CERK: variants seen among roughly 807,000 people sequenced by gnomAD.
CERK encodes the protein acylsphingosine kinase.
A neutral mutation model predicts 63.4 loss-of-function variants in CERK; 39 were observed. The observed-to-expected ratio is 0.61, with a 90% CI of 0.48 to 0.80. The LOEUF is 0.80. CERK is among the 30% of genes least tolerant of loss of function. The probability of loss-of-function intolerance (pLI) is 0.00; values close to 1 mark genes in which losing one functional copy is unlikely to be tolerated. For synonymous variants in CERK, 302 were observed against 280.0 expected (o/e 1.08, Z -0.78); for missense variants, 670 against 714.1 (o/e 0.94, Z 0.70).
At position 46,722,932 on chromosome 22, in the gene CERK, G is replaced by A. The variant is rs76467617; in HGVS notation, c.143-1917C>T. 4.7e-3 allele frequency among the ~76,000 whole-genome samples: 711 copies of A among 152,314 alleles called. 3 individuals are homozygous for A. The highest frequency in any genetic ancestry group is 0.03 in the East Asian group (157 of 5,182). ...TTCCCCGTGGGTGGAGGAAGGCGAC[G>A]TAGGGGCAGGAGCTGGGGAGAGGCA... On this transcript the variant is annotated intron_variant, in intron 1 of 12. Transcript: ENST00000216264.
rs116341368 is a variant in CERK, at chr22:46,722,491, G to A, written c.143-1476C>T. Among the ~76,000 whole-genome samples the A allele has an allele frequency of 6.8e-3, 1,027 of 152,124 alleles. 11 individuals are homozygous for A. The highest frequency in any genetic ancestry group is 0.024 in the African/African-American group (978 of 41,484). On this transcript the variant is annotated intron_variant, in intron 1 of 12. Coordinates refer to ENST00000216264, the MANE Select transcript of CERK (RefSeq NM_022766.6). ...GTGTGCATCCTCCTCCTGGGTATAG[G>A]ATGTGGGGTCCAGAGTGACTCTCAG...
chr22:46,691,669 TGGGCAGCCG>T lies in CERK; in HGVS notation c.1226_1234del (p.Pro409_Ala411del). On this transcript the variant is annotated inframe_deletion, in exon 11 of 13. Coordinates refer to ENST00000216264, the MANE Select transcript of CERK (RefSeq NM_022766.6). ...GAGGTCAGAAGACCCGTCTCCCAAG[TGGGCAGCCG>T]GGGAGAGGCCCCTGGGGCTCCGGCG... is the stretch of plus-strand genomic sequence containing the variant. 1 of 1,613,984 alleles carries T rather than the reference TGGGCAGCCG, an allele frequency of 6.2e-7. No individual in the cohort carries two copies. The highest frequency in any genetic ancestry group is 8.5e-7 in the Non-Finnish European group (1 of 1,180,012).
In CERK at chr22:46,738,132, G is replaced by T; in HGVS notation, c.17C>A (p.Ala6Glu). 1 of 1,213,912 alleles carries T rather than the reference G, an allele frequency of 8.2e-7. No homozygotes were observed. Among genetic ancestry groups the T allele is most frequent in the South Asian group, 2.6e-5 (1 of 38,608 alleles). 75.2% of individuals were successfully genotyped at this position (1,213,912 alleles called of 1,614,324 possible). A position where few individuals can be genotyped will look rare whatever the true frequency, so the allele number is the denominator to read the frequency against. ...CAGCACGGATTGCAGCGGCTCCGCC[G>T]CCCCCGTCGCCCCCATCTCCGCCGC... MGATGAAEPLQSVLWV... is the reference protein window; with the variant it reads MGATGEAEPLQSVLWV... The change falls in exon 1 of 13, where the codon GCG becomes GAG. Residue 6 changes from alanine (A) to glutamate (E), a missense_variant. Transcript: ENST00000216264.
rs1165083694 is a variant in CERK at position 46,693,424 on chromosome 22, T to A, written c.1126+3A>T. On this transcript the variant is annotated splice_donor_region_variant and intron_variant, in intron 10 of 12. Transcript: ENST00000216264. ...AACACTGAGCCTGTGTTTTAGGAAT[T>A]ACCCGCAGCTTCCAAACCATACAGT... The A allele has an allele frequency of 6.2e-7, 1 of 1,613,696 alleles. No homozygotes were observed. The highest frequency in any genetic ancestry group is 1.7e-5 in the Admixed American group (1 of 60,020).
At position 46,714,062 on chromosome 22, in the gene CERK, G is replaced by C. The variant is rs2082856026; in HGVS notation, c.380-1769C>G. On this transcript the variant is annotated intron_variant, in intron 3 of 12. Transcript: ENST00000216264. The surrounding 1 kb of genome is among the most constrained non-coding windows in gnomAD (Gnocchi z 4.4). ...GAGGTGGGCAGATCACTTGAGGTCA[G>C]GTGTTTGAAACCAGCCTGGGCAACA... is the stretch of plus-strand genomic sequence containing the variant. 6.6e-6 allele frequency among the ~76,000 whole-genome samples: 1 copy of C among 152,218 alleles called. No homozygotes were observed. Among genetic ancestry groups the C allele is most frequent in the South Asian group, 2.1e-4 (1 of 4,834 alleles).
In CERK at chr22:46,703,748, G is replaced by A. The variant is rs894741143; in HGVS notation, c.716-2038C>T. On this transcript the variant is annotated intron_variant, in intron 6 of 12. Transcript: ENST00000216264. ...GCTCTTAGGACCAAACGCAGAGAGC[G>A]ATATCGGAGCAGAGTCAGACGTCAC... Among the ~76,000 whole-genome samples, 21 of 152,300 alleles carry A rather than the reference G, an allele frequency of 1.4e-4. 1 individual carries two copies. Among genetic ancestry groups the A allele is most frequent in the Middle Eastern group, 6.8e-3 (2 of 294 alleles).
intron 8 of CERK, among the ~76,000 whole-genome samples, chr22:46,699,030 G>A (rs1157151806): frequency 6.6e-6 from 1 of 152,158 alleles, no homozygotes; most frequent in African/African-American, 2.4e-5. Context: ...GCGTCTTGGG[G>A]TTCCAGCACC....
In CERK at chr22:46,699,528, T is replaced by G. The variant is rs2082773155; in HGVS notation, c.791-63A>C. 22 of 1,492,914 alleles carry G rather than the reference T, an allele frequency of 1.5e-5. No individual in the cohort carries two copies. The South Asian group carries it at 2.5e-4, about 17-fold the overall frequency. The allele number at this position is 1,492,914 out of a possible 1,614,324, so 92.5% of individuals were successfully genotyped here. A position where few individuals can be genotyped will look rare whatever the true frequency, so the allele number is the denominator to read the frequency against. On this transcript the variant is annotated intron_variant, in intron 7 of 12. Transcript: ENST00000216264. ...CTCCAGCCCCGCCCCATCCACTCCA[T>G]CCCCTTCAATAGCACTTTGCAAACG...
chr22:46,737,386 C>A (rs572479784), intron 1 of CERK, among the ~76,000 whole-genome samples: 3 of 152,300 alleles, frequency 2.0e-5, no homozygotes, highest in African/African-American at 7.2e-5. Context: ...GTGGGCTATG[C>A]GTCCTCCATG....
In CERK at chr22:46,714,850, C is replaced by T. The variant is rs532749551; in HGVS notation, c.380-2557G>A. ...TTCAGACATCCCTCCCCTGAACCTA[C>T]GTGCAAAAATCCTAAACACAATATC... On this transcript the variant is annotated intron_variant, in intron 3 of 12. Coordinates refer to ENST00000216264, the MANE Select transcript of CERK (RefSeq NM_022766.6). The surrounding 1 kb of genome is among the most constrained non-coding windows in gnomAD (Gnocchi z 4.4). 5.3e-5 allele frequency among the ~76,000 whole-genome samples: 8 copies of T among 152,206 alleles called. No individual in the cohort carries two copies. Among genetic ancestry groups the T allele is most frequent in the African/African-American group, 1.9e-4 (8 of 41,530 alleles).
chr22:46,709,786 C>T (rs77205307), intron 5 of CERK, among the ~76,000 whole-genome samples: 3,642 of 152,256 alleles, frequency 0.024, 132 homozygotes, highest in African/African-American at 0.084. Context: ...AAGAACAGCA[C>T]AGAAGAGCTG....
intron 3 of CERK, among the ~76,000 whole-genome samples, chr22:46,713,508 C>CAAAAAAAAAAAAAAAAAAA (rs34168827): frequency 1.8e-4 from 13 of 74,256 alleles, no homozygotes; most frequent in Non-Finnish European, 2.8e-4. Context: ...GACTTCATCT[C>CAAAAAAAAAAAAAAAAAAA]AAAAAAAAAA....
In CERK at chr22:46,707,985, G is replaced by A. The variant is rs764925516; in HGVS notation, c.573C>T (p.Ile191=). 8.7e-6 allele frequency: 14 copies of A among 1,603,112 alleles called. No individual in the cohort carries two copies. The highest frequency in any genetic ancestry group is 5.0e-5 in the Admixed American group (3 of 59,574). The stretch of plus-strand genomic sequence containing the variant: ...ACATACCATCTCCGCCGACACAGAC[G>A]ATGCTGCAGGAGGAACACAGCCGGT... ...YEINIDKYDG[I]VCVGGDGMFS... Residue 191 remains isoleucine, a synonymous_variant, in exon 6 of 13, where the codon ATC becomes ATT. Coordinates refer to ENST00000216264, the MANE Select transcript of CERK (RefSeq NM_022766.6).
intron 5 of CERK, among the ~76,000 whole-genome samples, chr22:46,708,828 C>T (rs906382266): frequency 2.0e-5 from 3 of 152,042 alleles, no homozygotes; most frequent in South Asian, 2.1e-4. Flanking sequence ...TCTCATCACC[C>T]GGGAAGAGAG....
At position 46,691,742 on chromosome 22, in the gene CERK, A is replaced by T. The variant is rs772079366; in HGVS notation, c.1162T>A (p.Phe388Ile). ...VEEWQVVCGK[F>I]LAINATNMSC... The stretch of plus-strand genomic sequence containing the variant: ...ATGTTTGTGGCATTGATGGCCAGAA[A>T]CTTCCCACAGACGACTTGCCACTCC... The change falls in exon 11 of 13, where the codon TTT becomes ATT. Residue 388 changes from phenylalanine (F) to isoleucine (I), a missense_variant. Phe to Ile is a conservative substitution (Grantham distance 21). Coordinates refer to ENST00000216264, the MANE Select transcript of CERK (RefSeq NM_022766.6). 6.2e-7 allele frequency: 1 copy of T among 1,612,542 alleles called. No individual in the cohort carries two copies. Among genetic ancestry groups the T allele is most frequent in the East Asian group, 2.2e-5 (1 of 44,836 alleles).
At chr22:46,697,102 T>C (rs904961733) in intron 8 of CERK, among the ~76,000 whole-genome samples, 2 of 152,266 alleles carry the variant, frequency 1.3e-5, no homozygotes, top group Non-Finnish European at 2.9e-5. Context: ...CACTAGTTTT[T>C]AATTTCATTA....
chr22:46,705,924 C>A (rs1022395090), intron 6 of CERK, among the ~76,000 whole-genome samples: 1 of 152,136 alleles, frequency 6.6e-6, no homozygotes, highest in Non-Finnish European at 1.5e-5. Context: ...GTGGTCCCAG[C>A]TACTTGGGAG....
chr22:46,691,056 T>TAC (rs141210280), intron 11 of CERK, among the ~76,000 whole-genome samples: 61,162 of 147,088 alleles, frequency 0.42, 12,553 homozygotes, highest in Non-Finnish European at 0.44. Flanking sequence ...TATACATACA[T>TAC]ACACACACAC....
intron 1 of CERK, among the ~76,000 whole-genome samples, chr22:46,735,926 C>G (rs2082970868): frequency 6.6e-6 from 1 of 152,244 alleles, no homozygotes; most frequent in South Asian, 2.1e-4. Flanking sequence ...TCATTCACAA[C>G]TTAGCGTTTC....
Sources: gnomAD v4.1 joint callset for allele counts (sites outside exome capture counted in the v4.1 genomes callset) on GRCh38, gnomAD v4.1.1 for gene constraint, Gnocchi (gnomAD v3.1) non-coding constraint, MANE v1.5 for transcripts, NCBI Gene and HGNC (gene_info 2026-07-23, HGNC 2026-07-21) for gene names.